Variants in TDP1 observed in about 807,000 individuals in gnomAD.
TDP1 encodes the protein tyr-DNA phosphodiesterase 1.
Under a neutral mutation model 81.5 loss-of-function variants are expected in TDP1, and 64 were observed. The observed-to-expected ratio is 0.79, with a 90% CI of 0.64 to 0.97. The LOEUF is 0.97. Among genes scored for constraint, TDP1 ranks in the 50% least tolerant of loss-of-function variants. TDP1 has a pLI of 0.00. For synonymous variants in TDP1, 256 were observed against 264.3 expected (o/e 0.97, Z 0.30); for missense variants, 723 against 743.8 (o/e 0.97, Z 0.33).
chr14:89,991,757 A>G (rs917304710), intron 12 of TDP1, 160 bp from the exon 13 acceptor site: 1 of 763,604 alleles, frequency 1.3e-6, no homozygotes, highest in Non-Finnish European at 1.6e-6. Flanking sequence ...ATCTAGTGCA[A>G]CTATAGACAT....
chr14:89,988,937 C>T lies in TDP1; in HGVS notation c.1164C>T (p.Asn388=), dbSNP rs376217329. ...AAGACCATGCCTCATCCATGCCTAA[C>T]GCAGAGTCCTGGCCTGTCGTAGGTC... ...LLKDHASSMP[N]AESWPVVGQF... Residue 388 remains asparagine (N), a synonymous_variant, in exon 11 of 17, where the codon AAC becomes AAT. Transcript: ENST00000335725. 2.2e-5 allele frequency: 35 copies of T among 1,614,060 alleles called. No homozygotes were observed. Among genetic ancestry groups the T allele is most frequent in the African/African-American group, 2.0e-4 (15 of 74,936 alleles).
At chr14:89,982,396 A>G (rs1047524407) in intron 8 of TDP1, among the ~76,000 whole-genome samples, 3 of 152,186 alleles carry the variant, frequency 2.0e-5, no homozygotes, top group Non-Finnish European at 4.4e-5. Flanking sequence ...CTGAGCTGCC[A>G]GATTGGGTTT....
In TDP1 at chr14:90,043,550, A is replaced by G; in HGVS notation, c.*407A>G. 1 of 308,960 alleles carries G rather than the reference A, an allele frequency of 3.2e-6. No homozygotes were observed. The highest frequency in any genetic ancestry group is 6.2e-6 in the Non-Finnish European group (1 of 161,000). The allele number at this position is 308,960 out of a possible 1,614,324, so 19.1% of individuals were successfully genotyped here. On this transcript the variant is annotated 3_prime_UTR_variant, in exon 17 of 17. Transcript: ENST00000335725. ...CACAAAATTCATTTATGTTTCATAT[A>G]CACCTTATATACAATAACCTAAAGG...
intron 7 of TDP1, among the ~76,000 whole-genome samples, chr14:89,978,693 T>A (rs1894632213): frequency 6.6e-6 from 1 of 152,252 alleles, no homozygotes; most frequent in Non-Finnish European, 1.5e-5. Flanking sequence ...ATTTGCCTGA[T>A]AATCGATGTC....
At chr14:89,985,593 TTTGA>T (rs1477319463) in intron 10 of TDP1, among the ~76,000 whole-genome samples, 1 of 152,240 alleles carries the variant, frequency 6.6e-6, no homozygotes, top group Admixed American at 6.5e-5. Context: ...TATAATATAT[TTTGA>T]TTATTAAACC....
chr14:90,015,574 T>C (rs1170830642), intron 14 of TDP1, among the ~76,000 whole-genome samples: 4 of 152,206 alleles, frequency 2.6e-5, no homozygotes, highest in Non-Finnish European at 5.9e-5. Context: ...TATAAATATA[T>C]TTCATAGTTC....
chr14:90,018,139 G>A (rs1284999042), intron 14 of TDP1, among the ~76,000 whole-genome samples: 1 of 150,808 alleles, frequency 6.6e-6, no homozygotes, highest in Non-Finnish European at 1.5e-5. Context: ...GCAGACAATA[G>A]TTCCAGCACA....
chr14:89,981,904 G>A (rs964444488), intron 8 of TDP1, among the ~76,000 whole-genome samples: 1 of 150,420 alleles, frequency 6.6e-6, no homozygotes, highest in Non-Finnish European at 1.5e-5. Flanking sequence ...CAAGTGATCC[G>A]CCTGCCTCAG....
intron 14 of TDP1, among the ~76,000 whole-genome samples, chr14:89,993,737 T>A (rs1896423370): frequency 6.6e-6 from 1 of 152,238 alleles, no homozygotes; most frequent in African/African-American, 2.4e-5. Context: ...CTTCTGTTAT[T>A]TAATACCTCA....
intron 14 of TDP1, among the ~76,000 whole-genome samples, chr14:90,008,816 C>T (rs1032549646): frequency 6.6e-6 from 1 of 152,162 alleles, no homozygotes; most frequent in South Asian, 2.1e-4. Flanking sequence ...TCAAGCAATT[C>T]TCCCATCTCA....
In TDP1 at chr14:90,019,399, T is replaced by C; in HGVS notation, c.1625T>C (p.Leu542Pro). The change falls in exon 15 of 17, where the codon CTT becomes CCT. Residue 542 changes from leucine to proline, a missense_variant. Coordinates refer to ENST00000335725, the MANE Select transcript of TDP1 (RefSeq NM_018319.4). Reference protein sequence around the residue: ...LMIRSYELGVLFLPSAFGLDS... With the variant: ...LMIRSYELGVPFLPSAFGLDS... ...ATCCGCTCCTACGAGCTCGGGGTCCTTTTCCTCCCTTCAGCATTTGTAAGT... is the reference window on the plus strand; with the variant it reads ...ATCCGCTCCTACGAGCTCGGGGTCCCTTTCCTCCCTTCAGCATTTGTAAGT... The C allele has an allele frequency of 2.5e-6, 4 of 1,595,640 alleles. No individual in the cohort carries two copies. The highest frequency in any genetic ancestry group is 3.4e-6 in the Non-Finnish European group (4 of 1,163,192).
chr14:89,969,946 G>A (rs34075974), intron 5 of TDP1, among the ~76,000 whole-genome samples: 7,918 of 140,186 alleles, frequency 0.056, 482 homozygotes, highest in African/African-American at 0.15. Flanking sequence ...GCGGGATCTC[G>A]GCTCACTGCA....
chr14:89,990,616 GTGGTTTTTCTT>G (rs1166836567), intron 12 of TDP1, among the ~76,000 whole-genome samples: 1 of 140,886 alleles, frequency 7.1e-6, no homozygotes, highest in Admixed American at 7.3e-5. Flanking sequence ...GGATACAGTG[GTGGTTTTTCTT>G]TGGTACTCTT....
intron 15 of TDP1, among the ~76,000 whole-genome samples, chr14:90,026,498 A>T (rs1293080388): frequency 1.3e-5 from 2 of 152,302 alleles, no homozygotes; most frequent in South Asian, 4.1e-4. Context: ...TCTAGGGTTC[A>T]TGTGCACAAC....
chr14:89,956,221 CG>C (rs1266702872), intron 1 of TDP1: 1 of 152,344 alleles, frequency 6.6e-6, no homozygotes, highest in Non-Finnish European at 1.5e-5. Flanking sequence ...TGTGTCCTGC[CG>C]GGGCGCGGCG....
At chr14:90,023,438 A>C (rs922913715) in intron 15 of TDP1, among the ~76,000 whole-genome samples, 2 of 152,204 alleles carry the variant, frequency 1.3e-5, no homozygotes, top group African/African-American at 4.8e-5. Context: ...CCTTGGTTCC[A>C]CGTGGATAGT....
chr14:90,031,975 T>C (rs2140317863), intron 15 of TDP1, among the ~76,000 whole-genome samples: 1 of 152,344 alleles, frequency 6.6e-6, no homozygotes, highest in East Asian at 1.9e-4. Context: ...TATTTTACTT[T>C]TATAGATGTA....
At chr14:90,024,651 A>T (rs934044966) in intron 15 of TDP1, among the ~76,000 whole-genome samples, 17 of 152,212 alleles carry the variant, frequency 1.1e-4, no homozygotes, top group African/African-American at 4.1e-4. Flanking sequence ...GGAATAGCTC[A>T]TCTGTAGCTG....
chr14:90,001,867 T>C (rs982521859), intron 14 of TDP1, among the ~76,000 whole-genome samples: 4 of 152,160 alleles, frequency 2.6e-5, no homozygotes, highest in Admixed American at 2.6e-4. Context: ...TTTAATTTTT[T>C]GAATATCTTC....
Sources: allele counts gnomAD v4.1 joint callset (sites outside exome capture counted in the v4.1 genomes callset), GRCh38; gene constraint gnomAD v4.1.1; transcripts MANE v1.5; gene names NCBI Gene and HGNC (gene_info 2026-07-23, HGNC 2026-07-21).